The following BMAL2 variants were observed in gnomAD, a reference collection of about 807,000 sequenced individuals.
The protein encoded by BMAL2 is basic helix-loop-helix ARNT like 2, also known as basic helix-loop-helix ARNT-like protein 2.
the BMAL2 span, chr12:27,420,904 T>C: frequency 6.1e-6 from 1 of 163,072 alleles, no homozygotes; most frequent in Non-Finnish European, 1.3e-5. Context: ...GTGTCTAAGA[T>C]TCATTTATAA....
chr12:27,368,152 A>ATTTTTTTTTTTTTTT, the BMAL2 span: 1 of 1,395,026 alleles, frequency 7.2e-7, no homozygotes, highest in Non-Finnish European at 9.7e-7. Flanking sequence ...CTTAGCTGGT[A>ATTTTTTTTTTTTTTT]TTTTTTAAAT....
chr12:27,398,416 C>G, the BMAL2 span, among the ~76,000 whole-genome samples: 3 of 152,144 alleles, frequency 2.0e-5, no homozygotes, highest in African/African-American at 4.8e-5. Context: ...AGGATCAGTC[C>G]TCATGACTCC....
the BMAL2 span, chr12:27,423,924 A>T: frequency 6.6e-6 from 1 of 152,224 alleles, no homozygotes; most frequent in Non-Finnish European, 1.5e-5. Context: ...GAGCACTTGC[A>T]ATGTGGCTAG....
At chr12:27,390,959 T>C in the BMAL2 span, among the ~76,000 whole-genome samples, 5 of 152,240 alleles carry the variant, frequency 3.3e-5, no homozygotes, top group Non-Finnish European at 5.9e-5. Context: ...GGAATCTTTT[T>C]TGACAAACAC....
chr12:27,390,848 A>C, the BMAL2 span, among the ~76,000 whole-genome samples: 1 of 152,200 alleles, frequency 6.6e-6, no homozygotes, highest in Non-Finnish European at 1.5e-5. Flanking sequence ...TTAAGCTATG[A>C]GATATAGGAT....
the BMAL2 span, among the ~76,000 whole-genome samples, chr12:27,384,503 A>C: frequency 6.6e-6 from 1 of 152,158 alleles, no homozygotes; most frequent in Non-Finnish European, 1.5e-5. Flanking sequence ...CCCCCATTCA[A>C]GGTAACTCAT....
the BMAL2 span, among the ~76,000 whole-genome samples, chr12:27,418,894 G>A: frequency 1.2e-4 from 18 of 151,724 alleles, no homozygotes; most frequent in East Asian, 3.1e-3. Flanking sequence ...CAGGAAAATC[G>A]CTTGAACCTG....
chr12:27,424,962 A>G, the BMAL2 span: 2 of 152,212 alleles, frequency 1.3e-5, no homozygotes, highest in Non-Finnish European at 2.9e-5. Context: ...AGGGAGGTCT[A>G]GGAAGATCCT....
chr12:27,364,765 A>G, the BMAL2 span, among the ~76,000 whole-genome samples: 25 of 152,300 alleles, frequency 1.6e-4, no homozygotes, highest in South Asian at 3.1e-3. Context: ...GAAGCCTCCA[A>G]TTCAAAAGCC....
At chr12:27,379,187 C>A in the BMAL2 span, among the ~76,000 whole-genome samples, 1 of 152,148 alleles carries the variant, frequency 6.6e-6, no homozygotes, top group Admixed American at 6.5e-5. Flanking sequence ...GGAAGATAAA[C>A]CCTATAAATC....
At chr12:27,383,731 T>G in the BMAL2 span, among the ~76,000 whole-genome samples, 2 of 152,202 alleles carry the variant, frequency 1.3e-5, no homozygotes, top group Non-Finnish European at 2.9e-5. Context: ...CATTCCTTCC[T>G]CAGCTCCCTC....
the BMAL2 span, among the ~76,000 whole-genome samples, chr12:27,334,130 G>A: frequency 2.0e-5 from 3 of 152,180 alleles, no homozygotes; most frequent in Admixed American, 2.0e-4. Context: ...TTTACATCAT[G>A]GGGCGATTTC....
chr12:27,398,513 G>A, the BMAL2 span, among the ~76,000 whole-genome samples: 9 of 151,956 alleles, frequency 5.9e-5, no homozygotes, highest in African/African-American at 9.7e-5. Flanking sequence ...CACTGGTAGC[G>A]AGCTGTATTT....
chr12:27,389,134 A>G, the BMAL2 span: 1 of 1,290,914 alleles, frequency 7.7e-7, no homozygotes. Context: ...GAAATGTAGA[A>G]AAAGCATGGT....
the BMAL2 span, among the ~76,000 whole-genome samples, chr12:27,354,898 A>G: frequency 6.6e-6 from 1 of 152,174 alleles, no homozygotes; most frequent in African/African-American, 2.4e-5. Context: ...CAGCTCAACA[A>G]ATGATCGGTC....
At chr12:27,352,923 C>T in the BMAL2 span, among the ~76,000 whole-genome samples, 4,491 of 152,170 alleles carry the variant, frequency 0.03, 89 homozygotes, top group South Asian at 0.09. Context: ...TCAAAGAAAT[C>T]AGAGATGGCA....
chr12:27,341,171 C>CA, the BMAL2 span, among the ~76,000 whole-genome samples: 1 of 113,526 alleles, frequency 8.8e-6, no homozygotes, highest in Middle Eastern at 6.5e-3. Flanking sequence ...GACAGGACAT[C>CA]CTTGTCTTGT....
At chr12:27,416,071 A>C in the BMAL2 span, 1 of 667,008 alleles carries the variant, frequency 1.5e-6, no homozygotes, top group Non-Finnish European at 2.5e-6. Context: ...CATTTTGATC[A>C]CTCAGTGATT....
chr12:27,421,647 A>G, the BMAL2 span: 1 of 152,142 alleles, frequency 6.6e-6, no homozygotes, highest in Non-Finnish European at 1.5e-5. Context: ...AAGATTTAAT[A>G]TAATCACTGA....
Sources: gnomAD v4.1 joint callset for allele counts (sites outside exome capture counted in the v4.1 genomes callset) on GRCh38, gnomAD v4.1.1 for gene constraint, MANE v1.5 for transcripts, NCBI Gene and HGNC (gene_info 2026-07-23, HGNC 2026-07-21) for gene names.